IGBP1C: variants seen among roughly 807,000 people sequenced by gnomAD.
IGBP1C encodes immunoglobulin-binding protein 1 family member C.
the IGBP1C span, among the ~76,000 whole-genome samples, chr17:58,672,729 CT>C: frequency 0.017 from 2,580 of 151,858 alleles, 25 homozygotes; most frequent in Non-Finnish European, 0.024. Flanking sequence ...GTCGGCATTC[CT>C]TTTTTTCTTT....
chr17:58,680,653 T>C, the IGBP1C span, among the ~76,000 whole-genome samples: 1 of 151,964 alleles, frequency 6.6e-6, no homozygotes, highest in African/African-American at 2.4e-5. Context: ...GGAGAACCTC[T>C]TGAACCTAGG....
the IGBP1C span, among the ~76,000 whole-genome samples, chr17:58,672,477 A>G: frequency 5.7e-3 from 867 of 152,338 alleles, 5 homozygotes; most frequent in African/African-American, 9.2e-3. Flanking sequence ...TCTATCACCC[A>G]GGCTGCAGTG....
chr17:58,661,609 G>A, the IGBP1C span: 3 of 706,660 alleles, frequency 4.2e-6, no homozygotes, highest in East Asian at 2.5e-5. Flanking sequence ...TCTTGGGAAG[G>A]CTGATGCGAA....
At chr17:58,679,567 G>A in the IGBP1C span, 1 of 152,328 alleles carries the variant, frequency 6.6e-6, no homozygotes, top group East Asian at 1.9e-4. Flanking sequence ...CACAAATTAT[G>A]CAATTAAGTT....
the IGBP1C span, among the ~76,000 whole-genome samples, chr17:58,682,454 T>C: frequency 2.0e-5 from 3 of 151,730 alleles, no homozygotes; most frequent in African/African-American, 7.3e-5. Flanking sequence ...GATGGGTTTT[T>C]GCCATGTTGG....
At chr17:58,687,633 G>A in the IGBP1C span, among the ~76,000 whole-genome samples, 2 of 151,812 alleles carry the variant, frequency 1.3e-5, no homozygotes, top group Non-Finnish European at 2.9e-5. Flanking sequence ...GCACCCGGCC[G>A]TGGTCACCAT....
At chr17:58,689,092 G>A in the IGBP1C span, among the ~76,000 whole-genome samples, 1,715 of 151,204 alleles carry the variant, frequency 0.011, 31 homozygotes, top group African/African-American at 0.039. Flanking sequence ...CACCACACCC[G>A]GCTAATTTTT....
chr17:58,679,230 C>T, the IGBP1C span, among the ~76,000 whole-genome samples: 1 of 152,064 alleles, frequency 6.6e-6, no homozygotes, highest in African/African-American at 2.4e-5. Context: ...TCAGAAGATG[C>T]TAAATTGTTA....
the IGBP1C span, among the ~76,000 whole-genome samples, chr17:58,680,030 C>A: frequency 6.6e-6 from 1 of 152,166 alleles, no homozygotes; most frequent in East Asian, 1.9e-4. Context: ...CGTAAACTAG[C>A]TCCTGCCTTT....
At chr17:58,674,432 G>A in the IGBP1C span, among the ~76,000 whole-genome samples, 1 of 152,284 alleles carries the variant, frequency 6.6e-6, no homozygotes, top group African/African-American at 2.4e-5. Context: ...CACTACAGGA[G>A]GCCAAGGTGG....
the IGBP1C span, among the ~76,000 whole-genome samples, chr17:58,669,593 G>A: frequency 6.6e-6 from 1 of 151,626 alleles, no homozygotes; most frequent in Non-Finnish European, 1.5e-5. Flanking sequence ...AATTAGCCAG[G>A]TGTGGTGGCG....
At chr17:58,668,269 C>A in the IGBP1C span, among the ~76,000 whole-genome samples, 1 of 152,226 alleles carries the variant, frequency 6.6e-6, no homozygotes, top group Non-Finnish European at 1.5e-5. Flanking sequence ...CAGTCTTTCT[C>A]CTCCACTACA....
the IGBP1C span, among the ~76,000 whole-genome samples, chr17:58,665,754 A>C: frequency 1.3e-5 from 2 of 152,030 alleles, no homozygotes; most frequent in Non-Finnish European, 2.9e-5. Context: ...ACAATGAAAA[A>C]AAAAAATAAG....
the IGBP1C span, among the ~76,000 whole-genome samples, chr17:58,689,847 ATTT>A: frequency 7.2e-4 from 102 of 141,290 alleles, no homozygotes; most frequent in African/African-American, 2.0e-3. Flanking sequence ...GGGCCAGAAG[ATTT>A]TTTTTTTTTT....
chr17:58,662,141 T>C, the IGBP1C span, among the ~76,000 whole-genome samples: 2 of 146,478 alleles, frequency 1.4e-5, no homozygotes, highest in Admixed American at 6.8e-5. Flanking sequence ...ACGCCTGGCC[T>C]AAAACTCAGT....
chr17:58,665,512 C>T, the IGBP1C span, among the ~76,000 whole-genome samples: 1 of 151,964 alleles, frequency 6.6e-6, no homozygotes, highest in African/African-American at 2.4e-5. Context: ...ATGAGAATTG[C>T]TTGAACCTGG....
the IGBP1C span, among the ~76,000 whole-genome samples, chr17:58,664,602 G>A: frequency 1.3e-5 from 2 of 152,174 alleles, no homozygotes; most frequent in African/African-American, 4.8e-5. Flanking sequence ...TAAGATCATA[G>A]TCTGTAGGGA....
chr17:58,661,026 G>C, the IGBP1C span: 1 of 1,148,286 alleles, frequency 8.7e-7, no homozygotes, highest in Admixed American at 1.7e-5. Context: ...TAATATTCAC[G>C]AACACGCTCA....
chr17:58,661,311 G>A, the IGBP1C span: 580 of 833,578 alleles, frequency 7.0e-4, 1 homozygote, highest in Middle Eastern at 3.1e-3. Context: ...CGCTTACGGG[G>A]GTTGACTTGT....
Sources: allele counts gnomAD v4.1 joint callset (sites outside exome capture counted in the v4.1 genomes callset), GRCh38; gene constraint gnomAD v4.1.1; transcripts MANE v1.5; gene names NCBI Gene and HGNC (gene_info 2026-07-23, HGNC 2026-07-21).